The following RFX3 variants were observed in gnomAD, a reference collection of about 807,000 sequenced individuals.
RFX3 encodes regulatory factor X3.
In RFX3, 14 loss-of-function variants were observed where a neutral mutation model predicts 98.6. That is an observed-to-expected ratio of 0.14 (90% CI 0.09 to 0.22). The LOEUF is 0.22. Ranked by LOEUF, RFX3 falls within the 10% of genes least tolerant of loss-of-function variation. RFX3 has a pLI of 1.00. For synonymous variants in RFX3, 383 were observed against 328.4 expected (o/e 1.17, Z -1.80); for missense variants, 639 against 926.9 (o/e 0.69, Z 4.03).
intron 4 of RFX3, among the ~76,000 whole-genome samples, chr9:3,328,459 G>A (rs1832185907): frequency 6.6e-6 from 1 of 152,050 alleles, no homozygotes; most frequent in Admixed American, 6.6e-5. Context: ...TTTATTAGTA[G>A]CAATCCCCTT....
At chr9:3,352,110 T>C (rs974736482) in intron 2 of RFX3, among the ~76,000 whole-genome samples, 2 of 152,052 alleles carry the variant, frequency 1.3e-5, no homozygotes, top group African/African-American at 4.8e-5. Context: ...TATATATGTA[T>C]TTTAGGCAAG....
Position 3,224,021 on chromosome 9 carries a change from G to C in RFX3, c.*1021C>G, listed in dbSNP as rs1817516167. ...GTTTTGAAGGAAATAACGTTATGTA[G>C]GTTGCTACATTCCTTGCATTCTATA... On this transcript the variant is annotated 3_prime_UTR_variant, in exon 17 of 17. Coordinates refer to ENST00000617270, the MANE Select transcript of RFX3 (RefSeq NM_001282116.2). The C allele has an allele frequency of 6.6e-6, 1 of 152,130 alleles. No individual in the cohort carries two copies. The highest frequency in any genetic ancestry group is 2.4e-5 in the African/African-American group (1 of 41,430). 9.4% of individuals were successfully genotyped at this position (152,130 alleles called of 1,614,324 possible).
chr9:3,361,412 G>A (rs750423917), intron 2 of RFX3, among the ~76,000 whole-genome samples: 5 of 151,908 alleles, frequency 3.3e-5, no homozygotes, highest in Non-Finnish European at 7.4e-5. Context: ...GAAGACACAA[G>A]AAAAGAAAAA....
intron 5 of RFX3, among the ~76,000 whole-genome samples, chr9:3,298,501 G>A (rs1264511176): frequency 6.6e-6 from 1 of 151,818 alleles, no homozygotes; most frequent in East Asian, 1.9e-4. Flanking sequence ...TATTTAGTGA[G>A]TATCTACTAT....
intron 1 of RFX3, among the ~76,000 whole-genome samples, chr9:3,474,698 A>C (rs1753141403): frequency 1.3e-5 from 2 of 152,252 alleles, no homozygotes; most frequent in Admixed American, 6.5e-5. Flanking sequence ...TTATTTGCCC[A>C]AACCACAAAA....
chr9:3,309,457 C>A (rs765017655), intron 4 of RFX3, among the ~76,000 whole-genome samples: 4 of 152,056 alleles, frequency 2.6e-5, no homozygotes, highest in Non-Finnish European at 5.9e-5. Context: ...GAATGAAGGA[C>A]AGGCAGACAG....
chr9:3,380,785 T>C (rs533887934), intron 2 of RFX3, among the ~76,000 whole-genome samples: 2 of 152,314 alleles, frequency 1.3e-5, no homozygotes, highest in East Asian at 1.9e-4. Context: ...GTGAAATAAA[T>C]TGTCTACTTA....
At chr9:3,517,471 C>T (rs901440008) in intron 1 of RFX3, among the ~76,000 whole-genome samples, 1 of 152,136 alleles carries the variant, frequency 6.6e-6, no homozygotes, top group African/African-American at 2.4e-5. Context: ...ATTAGTTTTC[C>T]TAAGCTCAAC....
At chr9:3,362,763 T>A (rs1026719303) in intron 2 of RFX3, among the ~76,000 whole-genome samples, 5 of 152,146 alleles carry the variant, frequency 3.3e-5, no homozygotes, top group African/African-American at 1.2e-4. Flanking sequence ...GGAAGTGAAT[T>A]AGTTCAATAA....
At chr9:3,348,263 G>T (rs1018061580) in intron 2 of RFX3, among the ~76,000 whole-genome samples, 11 of 152,082 alleles carry the variant, frequency 7.2e-5, no homozygotes, top group Non-Finnish European at 1.5e-4. Flanking sequence ...GTTGGGGCTT[G>T]AACAAGTTCA....
At chr9:3,418,572 G>A (rs934475937) in intron 1 of RFX3, among the ~76,000 whole-genome samples, 1 of 152,004 alleles carries the variant, frequency 6.6e-6, no homozygotes, top group Middle Eastern at 3.2e-3. Context: ...TAGAGACGGG[G>A]TTTCACCAAG....
At chr9:3,232,689 C>T (rs1818624543) in intron 15 of RFX3, among the ~76,000 whole-genome samples, 1 of 151,788 alleles carries the variant, frequency 6.6e-6, no homozygotes, top group South Asian at 2.1e-4. Context: ...CTATTGAAAA[C>T]AATGAGTTGA....
intron 1 of RFX3, among the ~76,000 whole-genome samples, chr9:3,493,719 A>G (rs1289187849): frequency 6.9e-6 from 1 of 145,552 alleles, no homozygotes; most frequent in Non-Finnish European, 1.5e-5. Context: ...ATATATATAT[A>G]TATATATACA....
intron 1 of RFX3, among the ~76,000 whole-genome samples, chr9:3,432,544 A>G (rs1190972427): frequency 6.6e-6 from 1 of 152,184 alleles, no homozygotes; most frequent in Non-Finnish European, 1.5e-5. Flanking sequence ...GATTTAGAAC[A>G]GTGCCAAGCA....
chr9:3,271,934 G>A (rs16916366), intron 9 of RFX3, among the ~76,000 whole-genome samples: 1 of 151,760 alleles, frequency 6.6e-6, no homozygotes, highest in Admixed American at 6.6e-5. Flanking sequence ...CCTCCTTTAC[G>A]GAACAACCTT....
intron 15 of RFX3, among the ~76,000 whole-genome samples, chr9:3,241,493 C>T (rs901891061): frequency 3.3e-5 from 5 of 152,074 alleles, no homozygotes; most frequent in African/African-American, 1.2e-4. Flanking sequence ...GAGAAAGAAC[C>T]GCAGCCCTGG....
In RFX3 at chr9:3,223,819, C is replaced by G. The variant is rs1435954432; in HGVS notation, c.*1223G>C. ...TAGCTTCAGTTCTGTTTTAAGGCACCATGTAATAGCCGAGGTACGATGATC... is the reference window on the plus strand; with the variant it reads ...TAGCTTCAGTTCTGTTTTAAGGCACGATGTAATAGCCGAGGTACGATGATC... On this transcript the variant is annotated 3_prime_UTR_variant, in exon 17 of 17. Transcript: ENST00000617270. The G allele has an allele frequency of 6.6e-6, 1 of 152,116 alleles. No individual in the cohort carries two copies. Among genetic ancestry groups the G allele is most frequent in the African/African-American group, 2.4e-5 (1 of 41,436 alleles). 9.4% of individuals were successfully genotyped at this position (152,116 alleles called of 1,614,324 possible).
intron 2 of RFX3, among the ~76,000 whole-genome samples, chr9:3,370,970 G>A (rs1159089956): frequency 6.6e-6 from 1 of 152,046 alleles, no homozygotes; most frequent in African/African-American, 2.4e-5. Flanking sequence ...GTAATTAAAA[G>A]CAAAGACTCT....
At chr9:3,398,130 AACACAC>A (rs368840876) in intron 1 of RFX3, among the ~76,000 whole-genome samples, 1 of 151,232 alleles carries the variant, frequency 6.6e-6, no homozygotes, top group Non-Finnish European at 1.5e-5. Flanking sequence ...CTGATCTCCA[AACACAC>A]ACACACACAC....
Sources: gnomAD v4.1 joint callset for allele counts (sites outside exome capture counted in the v4.1 genomes callset) on GRCh38, gnomAD v4.1.1 for gene constraint, MANE v1.5 for transcripts, NCBI Gene and HGNC (gene_info 2026-07-23, HGNC 2026-07-21) for gene names.